KANSL1L: variants seen among roughly 807,000 people sequenced by gnomAD.
The protein encoded by KANSL1L is KAT8 regulatory NSL complex subunit 1 like.
A neutral mutation model predicts 108.6 loss-of-function variants in KANSL1L; 25 were observed. The observed-to-expected ratio is 0.23, with a 90% CI of 0.17 to 0.32. KANSL1L has a LOEUF of 0.32. KANSL1L is among the 10% of genes least tolerant of loss of function. The pLI is 1.00. For synonymous variants in KANSL1L, 405 were observed against 395.1 expected, an observed-to-expected ratio of 1.03 and a Z score of -0.30; for missense variants, 1,137 against 1,125.7, an observed-to-expected ratio of 1.01 and a Z score of -0.14.
chr2:210,046,574 C>T (rs1226208638), intron 6 of KANSL1L, among the ~76,000 whole-genome samples: 1 of 152,044 alleles, frequency 6.6e-6, no homozygotes, highest in Non-Finnish European at 1.5e-5. Context: ...CGGCAAATTC[C>T]ATTAAACCTG....
At chr2:210,025,300 T>A in intron 12 of KANSL1L, 84 bp from the exon 13 acceptor site, 1 of 783,388 alleles carries the variant, frequency 1.3e-6, no homozygotes, top group Non-Finnish European at 2.2e-6. Flanking sequence ...CTCACGCCTG[T>A]AATCCCAACA....
intron 1 of KANSL1L, among the ~76,000 whole-genome samples, chr2:210,157,691 G>GA (rs56676129): frequency 0.15 from 7,236 of 46,966 alleles, 1,420 homozygotes; most frequent in East Asian, 0.27. Context: ...CACTGTCACA[G>GA]AAAAAAAAAA....
chr2:210,059,773 C>CT (rs767875402), intron 6 of KANSL1L, among the ~76,000 whole-genome samples: 297 of 145,974 alleles, frequency 2.0e-3, no homozygotes, highest in South Asian at 0.011. Context: ...ACTTAAGTAA[C>CT]TTTTTTTTTT....
chr2:210,159,879 CA>C (rs1431255685), intron 1 of KANSL1L, among the ~76,000 whole-genome samples: 1 of 151,690 alleles, frequency 6.6e-6, no homozygotes, highest in African/African-American at 2.4e-5. Flanking sequence ...ACTAAAAATA[CA>C]AAAAAAATAG....
chr2:210,142,072 A>C (rs1416786267), intron 2 of KANSL1L, among the ~76,000 whole-genome samples: 4 of 151,872 alleles, frequency 2.6e-5, no homozygotes, highest in Non-Finnish European at 4.4e-5. Flanking sequence ...ATGAGTTTGA[A>C]AGTATTCCCT....
At chr2:210,105,254 CCATA>C (rs2094834971) in intron 3 of KANSL1L, among the ~76,000 whole-genome samples, 1 of 148,924 alleles carries the variant, frequency 6.7e-6, no homozygotes, top group Admixed American at 6.8e-5. Context: ...GTAATATATA[CCATA>C]TATATATTAC....
At chr2:210,086,696 T>C (rs971327917) in intron 5 of KANSL1L, among the ~76,000 whole-genome samples, 18 of 152,078 alleles carry the variant, frequency 1.2e-4, no homozygotes, top group African/African-American at 3.1e-4. Context: ...TATGAGTTAA[T>C]ACTTAAATAC....
chr2:210,115,936 C>T (rs2094949455), intron 3 of KANSL1L, among the ~76,000 whole-genome samples: 1 of 152,184 alleles, frequency 6.6e-6, no homozygotes, highest in South Asian at 2.1e-4. Context: ...CCAGATTGAA[C>T]ACTATCCACA....
chr2:210,110,220 T>C (rs935427519), intron 3 of KANSL1L, among the ~76,000 whole-genome samples: 1 of 152,198 alleles, frequency 6.6e-6, no homozygotes, highest in Non-Finnish European at 1.5e-5. Context: ...TAAGTTCTGA[T>C]GGAAAATCCA....
chr2:210,097,301 A>C (rs2094746369), intron 5 of KANSL1L: 28 of 787,734 alleles, frequency 3.6e-5, no homozygotes, highest in Non-Finnish European at 4.3e-5. Context: ...TTTATGCTAT[A>C]TTAGAAAGTT....
At position 210,111,506 on chromosome 2, in the gene KANSL1L, G is replaced by GAGGAA. The variant is rs1231384963; in HGVS notation, c.1231-7210_1231-7206dup. The stretch of plus-strand genomic sequence containing the variant: ...CTGAAGGAAAGAGATTGACCGCAAA[G>GAGGAA]AGGAAGGAATGACATTTTTGAAGGT... On this transcript the variant is annotated intron_variant, in intron 3 of 14. Transcript: ENST00000281772. Among the ~76,000 whole-genome samples, 4 of 152,152 alleles carry GAGGAA rather than the reference G, an allele frequency of 2.6e-5. No homozygotes were observed. The East Asian group carries it at 7.7e-4, about 29-fold the overall frequency.
chr2:210,086,491 T>TAAAA (rs57685611), intron 5 of KANSL1L, among the ~76,000 whole-genome samples: 6 of 141,128 alleles, frequency 4.3e-5, no homozygotes, highest in Non-Finnish European at 3.0e-5. Context: ...TTAATAAAGC[T>TAAAA]AAAAAAAAAA....
chr2:210,132,831 G>T (rs2095134329), intron 2 of KANSL1L, among the ~76,000 whole-genome samples: 1 of 152,182 alleles, frequency 6.6e-6, no homozygotes, highest in Non-Finnish European at 1.5e-5. Context: ...CATAAAACGA[G>T]AAGTCTTCTC....
intron 6 of KANSL1L, among the ~76,000 whole-genome samples, chr2:210,062,368 T>G (rs2094429085): frequency 6.6e-6 from 1 of 152,226 alleles, no homozygotes; most frequent in Non-Finnish European, 1.5e-5. Context: ...GGGTATGTCT[T>G]TATCAGCAGT....
chr2:210,058,322 C>T (rs1287280577), intron 6 of KANSL1L, among the ~76,000 whole-genome samples: 10 of 152,280 alleles, frequency 6.6e-5, no homozygotes, highest in Non-Finnish European at 1.2e-4. Flanking sequence ...GACTGGTTGT[C>T]TGCTCTCAAA....
At chr2:210,157,932 G>A (rs571087904) in intron 1 of KANSL1L, among the ~76,000 whole-genome samples, 66 of 151,864 alleles carry the variant, frequency 4.3e-4, no homozygotes, top group Admixed American at 9.2e-4. Flanking sequence ...TAGTATTTAA[G>A]AAATACAATT....
chr2:210,067,420 T>C lies in KANSL1L; in HGVS notation c.1755+8132A>G, dbSNP rs895186022. ...TTATAAGAATAGATGTATGTTAGTC[T>C]GGGTGCAGTGGTACACGCCTGTAAT... On this transcript the variant is annotated intron_variant, in intron 6 of 14. Coordinates refer to ENST00000281772, the MANE Select transcript of KANSL1L (RefSeq NM_152519.4). Among the ~76,000 whole-genome samples, 4 of 152,212 alleles carry C rather than the reference T, an allele frequency of 2.6e-5. No individual in the cohort carries two copies. In the East Asian group the frequency reaches 7.7e-4, roughly 29 times the overall value.
chr2:210,093,925 A>C (rs539458110), intron 5 of KANSL1L, among the ~76,000 whole-genome samples: 3 of 152,306 alleles, frequency 2.0e-5, no homozygotes, highest in South Asian at 4.1e-4. Context: ...AATGTAGATA[A>C]ATTTTGATAT....
intron 6 of KANSL1L, among the ~76,000 whole-genome samples, chr2:210,047,414 A>G (rs2094236637): frequency 6.6e-6 from 1 of 152,142 alleles, no homozygotes. Flanking sequence ...ATTGCTTGCA[A>G]TTTCTACCTT....
Sources: allele counts gnomAD v4.1 joint callset (sites outside exome capture counted in the v4.1 genomes callset), GRCh38; gene constraint gnomAD v4.1.1; transcripts MANE v1.5; gene names NCBI Gene and HGNC (gene_info 2026-07-23, HGNC 2026-07-21).